Variants in H1-4 observed in about 807,000 individuals in gnomAD.
H1-4 encodes the protein H1.4 linker histone, cluster member.
In H1-4, 9 loss-of-function variants were observed where a neutral mutation model predicts 7.2. The ratio of observed to expected loss-of-function variants is 1.25; its 90% CI spans 0.75 to 2.18. The LOEUF is 2.18. Ranked by LOEUF, H1-4 falls within the 30% of genes most tolerant of loss-of-function variation. The probability of loss-of-function intolerance (pLI) is 0.00; values close to 1 mark genes in which losing one functional copy is unlikely to be tolerated. For synonymous variants in H1-4, 318 were observed against 126.6 expected (o/e 2.51, Z -10.15); for missense variants, 646 against 287.9 (o/e 2.24, Z -9.00).
Position 26,156,850 on chromosome 6 carries a change from A to G in H1-4, c.460A>G (p.Thr154Ala). The G allele has an allele frequency of 6.2e-7, 1 of 1,606,368 alleles. No homozygotes were observed. The change falls in exon 1 of 1, where the codon ACC (threonine) becomes GCC (alanine). Residue 154 changes from threonine to alanine, a missense_variant. Physicochemically the swap from Thr to Ala is moderately conservative, Grantham distance 58. Coordinates refer to ENST00000304218, the MANE Select transcript of H1-4 (RefSeq NM_005321.3). ...AATPKKSAKK[T>A]PKKAKKPAAA... is the part of the protein sequence containing the mutation. Reference sequence around the variant, plus strand: ...CACCCCCAAGAAGAGCGCCAAGAAGACCCCAAAGAAGGCGAAGAAGCCGGC... The same window carrying G: ...CACCCCCAAGAAGAGCGCCAAGAAGGCCCCAAAGAAGGCGAAGAAGCCGGC...
At position 26,156,708 on chromosome 6, in the gene H1-4, ACT is replaced by A. The variant is rs1764185860; in HGVS notation, c.320_321del (p.Leu107GlnfsTer12). On this transcript the variant is annotated frameshift_variant, in exon 1 of 1. Transcript: ENST00000304218. LOFTEE classifies it high-confidence loss of function. ...KGTGASGSFK[L>X]NKKAASGEAK... ...GCACCGGCGCGTCGGGTTCCTTCAA[ACT>A]CAACAAGAAGGCGGCCTCTGGGGAA... 6.2e-7 allele frequency: 1 copy of A among 1,613,954 alleles called. No homozygotes were observed. The highest frequency in any genetic ancestry group is 8.5e-7 in the Non-Finnish European group (1 of 1,180,034).
At position 26,156,345 on chromosome 6, in the gene H1-4, C is replaced by G; in HGVS notation, c.-46C>G. On this transcript the variant is annotated 5_prime_UTR_variant, in exon 1 of 1. Coordinates refer to ENST00000304218, the MANE Select transcript of H1-4 (RefSeq NM_005321.3). ...GCCGCGGCTCGAGTCCCGGCCAGTG[C>G]CTCTGCTTCCGGCTCGAATTGCTCT... The G allele has an allele frequency of 6.7e-7, 1 of 1,497,540 alleles. No homozygotes were observed. The highest frequency in any genetic ancestry group is 1.3e-5 in the South Asian group (1 of 76,544). 92.8% of individuals were successfully genotyped at this position (1,497,540 alleles called of 1,614,324 possible). A position where few individuals can be genotyped will look rare whatever the true frequency, so the allele number is the denominator to read the frequency against.
chr6:26,156,374 T>G lies in H1-4; in HGVS notation c.-17T>G, dbSNP rs368825996. ...TGCTTCCGGCTCGAATTGCTCTCGC[T>G]CACGCTTGCCTTCAACATGTCCGAG... On this transcript the variant is annotated 5_prime_UTR_variant, in exon 1 of 1. Coordinates refer to ENST00000304218, the MANE Select transcript of H1-4 (RefSeq NM_005321.3). 3.1e-5 allele frequency: 47 copies of G among 1,536,678 alleles called. No individual in the cohort carries two copies. In the African/African-American group the frequency reaches 5.9e-4, roughly 19 times the overall value.
Position 26,156,340 on chromosome 6 carries a change from C to T in H1-4, c.-51C>T, listed in dbSNP as rs548197778. 79 of 1,482,262 alleles carry T rather than the reference C, an allele frequency of 5.3e-5. No homozygotes were observed. Among genetic ancestry groups the T allele is most frequent in the South Asian group, 4.1e-4 (31 of 75,872 alleles). The allele number at this position is 1,482,262 out of a possible 1,614,324, so 91.8% of individuals were successfully genotyped here. On this transcript the variant is annotated 5_prime_UTR_variant, in exon 1 of 1. Coordinates refer to ENST00000304218, the MANE Select transcript of H1-4 (RefSeq NM_005321.3). Reference sequence around the variant, plus strand: ...GCAGCGCCGCGGCTCGAGTCCCGGCCAGTGCCTCTGCTTCCGGCTCGAATT... The same window carrying T: ...GCAGCGCCGCGGCTCGAGTCCCGGCTAGTGCCTCTGCTTCCGGCTCGAATT...
In H1-4 at chr6:26,156,768, C is replaced by G. The variant is rs745344994; in HGVS notation, c.378C>G (p.Ala126=). The G allele has an allele frequency of 1.2e-6, 2 of 1,613,316 alleles. No individual in the cohort carries two copies. The highest frequency in any genetic ancestry group is 8.5e-7 in the Non-Finnish European group (1 of 1,179,698). Residue 126 remains alanine, a synonymous_variant, in exon 1 of 1, where the codon GCC becomes GCG. Transcript: ENST00000304218. ...AKPKAKKAGA[A]KAKKPAGAAK... is the part of the protein sequence containing the mutation. ...CTAAGGCTAAAAAGGCAGGCGCGGC[C>G]AAGGCCAAGAAGCCAGCAGGAGCGG...
chr6:26,156,668 T>C lies in H1-4; in HGVS notation c.278T>C (p.Leu93Pro), dbSNP rs1764183510. The change falls in exon 1 of 1, where the codon CTG (leucine) becomes CCG (proline). Residue 93 changes from leucine (L) to proline (P), a missense_variant. By Grantham distance (98) the Leu-to-Pro change is moderately conservative. Coordinates refer to ENST00000304218, the MANE Select transcript of H1-4 (RefSeq NM_005321.3). ...AAGAGCCTGGTGAGCAAGGGCACCC[T>C]GGTGCAGACCAAGGGCACCGGCGCG... ...GLKSLVSKGT[L>P]VQTKGTGASG... The C allele has an allele frequency of 1.2e-6, 2 of 1,614,096 alleles. No individual in the cohort carries two copies. The highest frequency in any genetic ancestry group is 1.7e-5 in the Admixed American group (1 of 60,010).
rs576895230 is a variant in H1-4 at position 26,156,356 on chromosome 6, G to T, written c.-35G>T. ...AGTCCCGGCCAGTGCCTCTGCTTCC[G>T]GCTCGAATTGCTCTCGCTCACGCTT... On this transcript the variant is annotated 5_prime_UTR_variant, in exon 1 of 1. Transcript: ENST00000304218. The T allele has an allele frequency of 5.3e-6, 8 of 1,516,260 alleles. No individual in the cohort carries two copies. Among genetic ancestry groups the T allele is most frequent in the Non-Finnish European group, 5.3e-6 (6 of 1,137,210 alleles). 93.9% of individuals were successfully genotyped at this position (1,516,260 alleles called of 1,614,324 possible).
In H1-4 at chr6:26,156,781, C is replaced by T. The variant is rs766549245; in HGVS notation, c.391C>T (p.Pro131Ser). The T allele has an allele frequency of 1.1e-5, 18 of 1,612,544 alleles. No homozygotes were observed. The highest frequency in any genetic ancestry group is 2.2e-5 in the South Asian group (2 of 90,998). The part of the protein sequence containing the change: ...KKAGAAKAKK[P>S]AGAAKKPKKA... ...GGCAGGCGCGGCCAAGGCCAAGAAG[C>T]CAGCAGGAGCGGCGAAGAAGCCCAA... is the stretch of plus-strand genomic sequence containing the variant. The change falls in exon 1 of 1, where the codon CCA (proline) becomes TCA (serine). Residue 131 changes from proline to serine, a missense_variant. Pro to Ser is a moderately conservative substitution (Grantham distance 74). Coordinates refer to ENST00000304218, the MANE Select transcript of H1-4 (RefSeq NM_005321.3).
Position 26,156,524 on chromosome 6 carries a change from C to G in H1-4, c.134C>G (p.Thr45Ser), listed in dbSNP as rs138821617. 3 of 1,614,042 alleles carry G rather than the reference C, an allele frequency of 1.9e-6. No homozygotes were observed. The highest frequency in any genetic ancestry group is 2.5e-6 in the Non-Finnish European group (3 of 1,179,992). ...GGGCCCCCGGTGTCCGAGCTCATTA[C>G]TAAAGCTGTTGCCGCCTCCAAGGAG... is the stretch of plus-strand genomic sequence containing the variant. ...ASGPPVSELI[T>S]KAVAASKERS... The change falls in exon 1 of 1, where the codon ACT becomes AGT. Residue 45 changes from threonine to serine, a missense_variant. Physicochemically the swap from Thr to Ser is moderately conservative, Grantham distance 58 (BLOSUM62 1). Coordinates refer to ENST00000304218, the MANE Select transcript of H1-4 (RefSeq NM_005321.3).
Position 26,157,064 on chromosome 6 carries a change from C to T in H1-4, c.*14C>T, listed in dbSNP as rs761797190. On this transcript the variant is annotated 3_prime_UTR_variant, in exon 1 of 1. Coordinates refer to ENST00000304218, the MANE Select transcript of H1-4 (RefSeq NM_005321.3). ...AAGAAAAAGTAGAAAGTTCCTTTGG[C>T]CAACTGCTTAGAAGCCCAACACAAC... The T allele has an allele frequency of 9.5e-6, 15 of 1,576,506 alleles. No individual in the cohort carries two copies. The highest frequency in any genetic ancestry group is 9.5e-5 in the South Asian group (8 of 84,640).
At position 26,156,980 on chromosome 6, in the gene H1-4, A is replaced by C. The variant is rs1405526836; in HGVS notation, c.590A>C (p.Lys197Thr). The part of the protein sequence containing the change: ...SPAKAKAVKP[K>T]AAKPKTAKPK... ...GCGAAGGCCAAAGCAGTTAAACCCA[A>C]GGCGGCTAAACCAAAGACCGCCAAG... Residue 197 changes from lysine (K) to threonine (T), a missense_variant, in exon 1 of 1, where the codon AAG becomes ACG. Physicochemically the swap from Lys to Thr is moderately conservative, Grantham distance 78. Coordinates refer to ENST00000304218, the MANE Select transcript of H1-4 (RefSeq NM_005321.3). 1.2e-6 allele frequency: 2 copies of C among 1,609,892 alleles called. No homozygotes were observed. Among genetic ancestry groups the C allele is most frequent in the Admixed American group, 1.7e-5 (1 of 58,898 alleles).
chr6:26,157,080 CCAA>C lies in H1-4; in HGVS notation c.*33_*35del. ...TTCCTTTGGCCAACTGCTTAGAAGC[CCAA>C]CACAACCCAAAGGCTCTTTTCAGAG... On this transcript the variant is annotated 3_prime_UTR_variant, in exon 1 of 1. Transcript: ENST00000304218. The C allele has an allele frequency of 6.4e-7, 1 of 1,565,580 alleles. No individual in the cohort carries two copies. The highest frequency in any genetic ancestry group is 8.6e-7 in the Non-Finnish European group (1 of 1,165,496).
In H1-4 at chr6:26,156,975, A is replaced by G. The variant is rs776253773; in HGVS notation, c.585A>G (p.Lys195=). ...GCCCAGCGAAGGCCAAAGCAGTTAA[A>G]CCCAAGGCGGCTAAACCAAAGACCG... ...PKSPAKAKAV[K]PKAAKPKTAK... is the part of the protein sequence containing the mutation. The change falls in exon 1 of 1, where the codon AAA becomes AAG. Residue 195 remains lysine (K), a synonymous_variant. Transcript: ENST00000304218. 7 of 1,610,432 alleles carry G rather than the reference A, an allele frequency of 4.3e-6. No homozygotes were observed. The East Asian group carries it at 1.3e-4, about 31-fold the overall frequency.
chr6:26,156,947 A>G lies in H1-4; in HGVS notation c.557A>G (p.Lys186Arg), dbSNP rs372383628. The G allele has an allele frequency of 1.3e-5, 21 of 1,612,516 alleles. No homozygotes were observed. The highest frequency in any genetic ancestry group is 1.9e-4 in the Middle Eastern group (1 of 5,272). Residue 186 changes from lysine (K) to arginine (R), a missense_variant, in exon 1 of 1, where the codon AAG (lysine) becomes AGG (arginine). Lys to Arg is a conservative substitution (Grantham distance 26). Transcript: ENST00000304218. Reference protein sequence around the residue: ...AKAAKPKKAPKSPAKAKAVKP... With the variant: ...AKAAKPKKAPRSPAKAKAVKP... ...GCAGCCAAGCCAAAAAAGGCGCCCAAGAGCCCAGCGAAGGCCAAAGCAGTT... is the reference window on the plus strand; with the variant it reads ...GCAGCCAAGCCAAAAAAGGCGCCCAGGAGCCCAGCGAAGGCCAAAGCAGTT...
In H1-4 at chr6:26,156,476, G is replaced by T. The variant is rs780789434; in HGVS notation, c.86G>T (p.Gly29Val). Residue 29 changes from glycine to valine, a missense_variant, in exon 1 of 1, where the codon GGT becomes GTT. Gly to Val is a moderately radical substitution (Grantham distance 109). Coordinates refer to ENST00000304218, the MANE Select transcript of H1-4 (RefSeq NM_005321.3). Reference sequence around the variant, plus strand: ...AAGAAGAAGGCCCGCAAGTCTGCAGGTGCGGCCAAGCGCAAAGCGTCTGGG... The same window carrying T: ...AAGAAGAAGGCCCGCAAGTCTGCAGTTGCGGCCAAGCGCAAAGCGTCTGGG... ...PVKKKARKSA[G>V]AAKRKASGPP... 1.2e-6 allele frequency: 2 copies of T among 1,613,226 alleles called. No homozygotes were observed. The highest frequency in any genetic ancestry group is 1.1e-5 in the South Asian group (1 of 91,080).
rs753242501 is a variant in H1-4, at chr6:26,156,494, C to T, written c.104C>T (p.Ala35Val). The T allele has an allele frequency of 1.8e-5, 29 of 1,613,508 alleles. No individual in the cohort carries two copies. The highest frequency in any genetic ancestry group is 6.7e-5 in the East Asian group (3 of 44,876). ...TCTGCAGGTGCGGCCAAGCGCAAAGCGTCTGGGCCCCCGGTGTCCGAGCTC... is the reference window on the plus strand; with the variant it reads ...TCTGCAGGTGCGGCCAAGCGCAAAGTGTCTGGGCCCCCGGTGTCCGAGCTC... ...RKSAGAAKRK[A>V]SGPPVSELIT... The change falls in exon 1 of 1, where the codon GCG (alanine) becomes GTG (valine). Residue 35 changes from alanine (A) to valine (V), a missense_variant. Ala to Val is a moderately conservative substitution (Grantham distance 64, BLOSUM62 0). Transcript: ENST00000304218.
Position 26,156,332 on chromosome 6 carries a change from G to A in H1-4, c.-59G>A, listed in dbSNP as rs1383004213. 4.1e-6 allele frequency: 6 copies of A among 1,462,406 alleles called. No homozygotes were observed. Among genetic ancestry groups the A allele is most frequent in the Non-Finnish European group, 4.6e-6 (5 of 1,095,684 alleles). 90.6% of individuals were successfully genotyped at this position (1,462,406 alleles called of 1,614,324 possible). A position where few individuals can be genotyped will look rare whatever the true frequency, so the allele number is the denominator to read the frequency against. On this transcript the variant is annotated 5_prime_UTR_variant, in exon 1 of 1. Coordinates refer to ENST00000304218, the MANE Select transcript of H1-4 (RefSeq NM_005321.3). ...GGGCGGGCGCAGCGCCGCGGCTCGA[G>A]TCCCGGCCAGTGCCTCTGCTTCCGG...
At position 26,156,602 on chromosome 6, in the gene H1-4, A is replaced by G. The variant is rs893449473; in HGVS notation, c.212A>G (p.Tyr71Cys). 3 of 1,614,216 alleles carry G rather than the reference A, an allele frequency of 1.9e-6. No individual in the cohort carries two copies. Among genetic ancestry groups the G allele is most frequent in the Non-Finnish European group, 2.5e-6 (3 of 1,180,036 alleles). The change falls in exon 1 of 1, where the codon TAT becomes TGT. Residue 71 changes from tyrosine (Y) to cysteine (C), a missense_variant. Coordinates refer to ENST00000304218, the MANE Select transcript of H1-4 (RefSeq NM_005321.3). ...AAGAAAGCGCTGGCAGCCGCTGGCT[A>G]TGACGTGGAGAAGAACAACAGCCGC... ...ALKKALAAAG[Y>C]DVEKNNSRIK...
chr6:26,156,339 C>A lies in H1-4; in HGVS notation c.-52C>A. The A allele has an allele frequency of 1.4e-6, 2 of 1,478,428 alleles. No individual in the cohort carries two copies. The highest frequency in any genetic ancestry group is 1.8e-6 in the Non-Finnish European group (2 of 1,107,866). The allele number at this position is 1,478,428 out of a possible 1,614,324, so 91.6% of individuals were successfully genotyped here. A position where few individuals can be genotyped will look rare whatever the true frequency, so the allele number is the denominator to read the frequency against. On this transcript the variant is annotated 5_prime_UTR_variant, in exon 1 of 1. Transcript: ENST00000304218. ...CGCAGCGCCGCGGCTCGAGTCCCGG[C>A]CAGTGCCTCTGCTTCCGGCTCGAAT... is the stretch of plus-strand genomic sequence containing the variant.
Sources: gnomAD v4.1 joint callset for allele counts on GRCh38, gnomAD v4.1.1 for gene constraint, MANE v1.5 for transcripts, NCBI Gene and HGNC (gene_info 2026-07-23, HGNC 2026-07-21) for gene names.